The following METTL15 variants were observed in gnomAD, a reference collection of about 807,000 sequenced individuals.
METTL15 encodes the protein 12S rRNA N(4)-cytidine methyltransferase METTL15.
METTL15 carries 34 observed loss-of-function variants against 38.3 expected under a neutral mutation model. The observed-to-expected ratio is 0.89, with a 90% CI of 0.68 to 1.18. METTL15 has a LOEUF of 1.18. Ranked by LOEUF, METTL15 falls within the 50% of genes most tolerant of loss-of-function variation. METTL15 has a pLI of 0.00. For missense variants in METTL15, 438 were observed against 498.4 expected, an observed-to-expected ratio of 0.88 and a Z score of 1.15; for synonymous variants, 162 against 170.9, an observed-to-expected ratio of 0.95 and a Z score of 0.41.
At chr11:28,493,709 T>C (rs1851514951) in intron 6 of METTL15, among the ~76,000 whole-genome samples, 1 of 152,202 alleles carries the variant, frequency 6.6e-6, no homozygotes, top group Non-Finnish European at 1.5e-5. Context: ...AAGGTCAGAA[T>C]CTGAATGTAT....
intron 4 of METTL15, among the ~76,000 whole-genome samples, chr11:28,262,315 A>G (rs931976031): frequency 1.1e-4 from 16 of 151,180 alleles, no homozygotes; most frequent in African/African-American, 3.4e-4. Context: ...ATATATGACT[A>G]CTATGTAATA....
intron 4 of METTL15, among the ~76,000 whole-genome samples, chr11:28,249,293 T>C (rs774199619): frequency 6.6e-5 from 10 of 151,962 alleles, no homozygotes; most frequent in South Asian, 2.1e-4. Context: ...ATAAAGTACT[T>C]AGCTAAGAAT....
At chr11:28,465,336 G>A (rs1851248335) in intron 6 of METTL15, among the ~76,000 whole-genome samples, 2 of 151,854 alleles carry the variant, frequency 1.3e-5, no homozygotes, top group African/African-American at 4.8e-5. Context: ...TCTTTCAGGG[G>A]TCCTATGTCT....
At chr11:28,451,797 C>A (rs926424769) in intron 6 of METTL15, among the ~76,000 whole-genome samples, 2 of 152,202 alleles carry the variant, frequency 1.3e-5, no homozygotes, top group African/African-American at 2.4e-5. Flanking sequence ...TCTGGAAAGA[C>A]TGAACCTCCT....
intron 3 of METTL15, among the ~76,000 whole-genome samples, chr11:28,146,284 A>C (rs1849882967): frequency 6.6e-6 from 1 of 151,978 alleles, no homozygotes; most frequent in South Asian, 2.1e-4. Flanking sequence ...GAGTGCTTGG[A>C]TATTTCTTGT....
intron 3 of METTL15, among the ~76,000 whole-genome samples, chr11:28,208,765 T>C (rs1852486851): frequency 6.6e-6 from 1 of 151,900 alleles, no homozygotes; most frequent in Non-Finnish European, 1.5e-5. Context: ...CTCCTACAGA[T>C]TTTAAACTGT....
chr11:28,238,472 C>A (rs765393508), intron 4 of METTL15, among the ~76,000 whole-genome samples: 1 of 152,194 alleles, frequency 6.6e-6, no homozygotes, highest in Admixed American at 6.5e-5. Flanking sequence ...GCGCAGTATT[C>A]GGGTGGGAAT....
At chr11:28,308,267 C>T (rs1413212436) in intron 6 of METTL15, among the ~76,000 whole-genome samples, 4 of 152,122 alleles carry the variant, frequency 2.6e-5, no homozygotes, top group East Asian at 1.9e-4. Flanking sequence ...ATTTGTCCTT[C>T]GTGAAACAGA....
At chr11:28,509,993 A>G (rs1303998401) in intron 6 of METTL15, among the ~76,000 whole-genome samples, 1 of 152,086 alleles carries the variant, frequency 6.6e-6, no homozygotes, top group African/African-American at 2.4e-5. Flanking sequence ...CTGGATGCCC[A>G]CATTCAATTT....
chr11:28,430,389 C>T (rs1361433847), intron 6 of METTL15, among the ~76,000 whole-genome samples: 3 of 79,006 alleles, frequency 3.8e-5, no homozygotes, highest in South Asian at 5.7e-4. Flanking sequence ...GTCAGCCCCC[C>T]GCCCGGCCAG....
chr11:28,525,833 C>G (rs113929635), intron 6 of METTL15, among the ~76,000 whole-genome samples: 7 of 152,332 alleles, frequency 4.6e-5, no homozygotes, highest in African/African-American at 1.4e-4. Context: ...TGGGACTGGG[C>G]GCTGTGGAGC....
intron 3 of METTL15, among the ~76,000 whole-genome samples, chr11:28,192,235 T>A (rs772664253): frequency 4.6e-5 from 7 of 151,904 alleles, no homozygotes; most frequent in Non-Finnish European, 8.8e-5. Flanking sequence ...TAACACATTC[T>A]GCAATATACA....
chr11:28,323,741 C>T lies in METTL15; in HGVS notation c.779-6655C>T, dbSNP rs540699609. Among the ~76,000 whole-genome samples the T allele has an allele frequency of 1.1e-4, 17 of 152,080 alleles. No individual in the cohort carries two copies. The South Asian group carries it at 3.1e-3, about 28-fold the overall frequency. On this transcript the variant is annotated intron_variant, in intron 6 of 6. Coordinates refer to ENST00000407364, the MANE Select transcript of METTL15 (RefSeq NM_001113528.2). The stretch of plus-strand genomic sequence containing the variant: ...GAAGTGGTGGGGTTCTGGATATATC[C>T]CAGATGCAGAGCCATCAGAATTTGC...
intron 5 of METTL15, among the ~76,000 whole-genome samples, chr11:28,409,408 A>AATATTT (rs1850706140): frequency 6.8e-6 from 1 of 146,184 alleles, no homozygotes; most frequent in Non-Finnish European, 1.5e-5. Flanking sequence ...AAAAAAAAGG[A>AATATTT]ATATTTATAT....
intron 3 of METTL15, among the ~76,000 whole-genome samples, chr11:28,140,813 T>A (rs1317681523): frequency 6.6e-6 from 1 of 152,178 alleles, no homozygotes; most frequent in East Asian, 1.9e-4. Flanking sequence ...AGGTGTGAAT[T>A]CCTTGTCGAT....
chr11:28,307,511 C>T (rs1272111183), intron 6 of METTL15, among the ~76,000 whole-genome samples: 3 of 151,902 alleles, frequency 2.0e-5, no homozygotes, highest in Non-Finnish European at 4.4e-5. Flanking sequence ...TAGGCACTTG[C>T]TATTAGGTAG....
chr11:28,131,893 T>C (rs773827626), intron 3 of METTL15, among the ~76,000 whole-genome samples: 1 of 152,212 alleles, frequency 6.6e-6, no homozygotes, highest in Non-Finnish European at 1.5e-5. Context: ...TTAGTTGTTG[T>C]ACTTGTTCTA....
chr11:28,208,551 A>C (rs1302446776), intron 3 of METTL15, among the ~76,000 whole-genome samples: 2 of 152,058 alleles, frequency 1.3e-5, no homozygotes, highest in African/African-American at 4.8e-5. Context: ...ATTTTGGAAT[A>C]GGTGTGGTGT....
intron 6 of METTL15, among the ~76,000 whole-genome samples, chr11:28,503,858 G>T (rs751199926): frequency 6.6e-6 from 1 of 151,692 alleles, no homozygotes; most frequent in Non-Finnish European, 1.5e-5. Flanking sequence ...TAAATATCCT[G>T]TTATACTGTC....
Sources: allele counts gnomAD v4.1 joint callset (sites outside exome capture counted in the v4.1 genomes callset), GRCh38; gene constraint gnomAD v4.1.1; transcripts MANE v1.5; gene names NCBI Gene and HGNC (gene_info 2026-07-23, HGNC 2026-07-21).